FGF10: variants seen among roughly 807,000 people sequenced by gnomAD.
The protein encoded by FGF10 is fibroblast growth factor 10.
FGF10 carries 2 observed loss-of-function variants against 19.8 expected under a neutral mutation model. The observed-to-expected ratio is 0.10, with a 90% CI of 0.04 to 0.32. The LOEUF (loss-of-function observed/expected upper bound fraction) is 0.32. Ranked by LOEUF, FGF10 falls within the 10% of genes least tolerant of loss-of-function variation. The pLI, the probability that FGF10 is intolerant of heterozygous loss-of-function variation, is 1.00. For synonymous variants in FGF10, 112 were observed against 94.0 expected, an observed-to-expected ratio of 1.19 and a Z score of -1.10; for missense variants, 191 against 246.3, an observed-to-expected ratio of 0.78 and a Z score of 1.50.
In FGF10 at chr5:44,301,231, T is replaced by C. The variant is rs1325044315; in HGVS notation, c.*3764A>G. ...TGTATATGTCCTACTTCTAATGTAC[T>C]AGACATCTTCTCTTAAATATTTTAA... On this transcript the variant is annotated 3_prime_UTR_variant, in exon 3 of 3. Transcript: ENST00000264664. Among the ~76,000 whole-genome samples, 2 of 152,180 alleles carry C rather than the reference T, an allele frequency of 1.3e-5. No homozygotes were observed. The highest frequency in any genetic ancestry group is 2.9e-5 in the Non-Finnish European group (2 of 68,040).
At chr5:44,359,191 T>C (rs1741419778) in intron 1 of FGF10, among the ~76,000 whole-genome samples, 1 of 151,524 alleles carries the variant, frequency 6.6e-6, no homozygotes, top group African/African-American at 2.4e-5. Context: ...ATTTAATTTA[T>C]GTGCCAGTAA....
At chr5:44,375,251 C>G (rs2111896658) in intron 1 of FGF10, among the ~76,000 whole-genome samples, 1 of 152,270 alleles carries the variant, frequency 6.6e-6, no homozygotes, top group South Asian at 2.1e-4. Context: ...TATGAGGAAA[C>G]TAGATGGGTA....
At chr5:44,361,404 G>A (rs339508) in intron 1 of FGF10, among the ~76,000 whole-genome samples, 17,934 of 151,552 alleles carry the variant, frequency 0.12, 2,612 homozygotes, top group African/African-American at 0.34. Flanking sequence ...CTCCCTAGAG[G>A]CAATGTCATA....
Position 44,310,147 on chromosome 5 carries a change from G to A in FGF10, c.429+280C>T, listed in dbSNP as rs17228123. Reference sequence around the variant, plus strand: ...CTTCATTTTCCATGCCAATCTGACCGGATGCTTCCGTGAGAGCCTGACTTG... The same window carrying A: ...CTTCATTTTCCATGCCAATCTGACCAGATGCTTCCGTGAGAGCCTGACTTG... On this transcript the variant is annotated intron_variant, in intron 2 of 2. Coordinates refer to ENST00000264664, the MANE Select transcript of FGF10 (RefSeq NM_004465.2). Among the ~76,000 whole-genome samples, 3,298 of 152,124 alleles carry A rather than the reference G, an allele frequency of 0.022. 54 individuals carry two copies. Among genetic ancestry groups the A allele is most frequent in the Non-Finnish European group, 0.03 (2,015 of 67,990 alleles).
intron 1 of FGF10, among the ~76,000 whole-genome samples, chr5:44,347,881 A>G: frequency 6.6e-6 from 1 of 151,766 alleles, no homozygotes; most frequent in South Asian, 2.1e-4. Flanking sequence ...CATTTGTCTT[A>G]TATAGAACAA....
chr5:44,373,994 T>C (rs1741800122), intron 1 of FGF10, among the ~76,000 whole-genome samples: 2 of 152,188 alleles, frequency 1.3e-5, no homozygotes, highest in Admixed American at 6.5e-5. Flanking sequence ...GTTGGTGTCT[T>C]AGACTAATAT....
chr5:44,322,430 C>T (rs549953444), intron 1 of FGF10, among the ~76,000 whole-genome samples: 2 of 152,164 alleles, frequency 1.3e-5, no homozygotes, highest in African/African-American at 2.4e-5. Context: ...ACAGCTGGTA[C>T]ATGATCACTT....
chr5:44,356,716 GT>G (rs1741355572), intron 1 of FGF10, among the ~76,000 whole-genome samples: 1 of 151,326 alleles, frequency 6.6e-6, no homozygotes, highest in African/African-American at 2.4e-5. Context: ...AGTGAAAAGT[GT>G]TACTCAAGAA....
Position 44,301,431 on chromosome 5 carries a change from T to C in FGF10, c.*3564A>G, listed in dbSNP as rs1186797362. Among the ~76,000 whole-genome samples the C allele has an allele frequency of 6.6e-6, 1 of 152,150 alleles. No homozygotes were observed. Among genetic ancestry groups the C allele is most frequent in the Middle Eastern group, 3.2e-3 (1 of 316 alleles). On this transcript the variant is annotated 3_prime_UTR_variant, in exon 3 of 3. Coordinates refer to ENST00000264664, the MANE Select transcript of FGF10 (RefSeq NM_004465.2). ...ATGTAAATTGGGTTCATAAACTTGC[T>C]TGGGCCCTGGAAGCAACTTGCATTA...
At chr5:44,313,858 AC>A (rs1740269397) in intron 1 of FGF10, among the ~76,000 whole-genome samples, 1 of 152,154 alleles carries the variant, frequency 6.6e-6, no homozygotes, top group African/African-American at 2.4e-5. Flanking sequence ...GGAGAAGGGT[AC>A]GCTTTTAGAA....
chr5:44,317,676 G>A (rs1163317863), intron 1 of FGF10, among the ~76,000 whole-genome samples: 1 of 151,986 alleles, frequency 6.6e-6, no homozygotes, highest in African/African-American at 2.4e-5. Context: ...CCATCTAATA[G>A]GTTTCTTCAC....
intron 2 of FGF10, 151 bp from the exon 3 acceptor site, chr5:44,305,343 G>A (rs1328345418): frequency 4.4e-6 from 3 of 687,636 alleles, no homozygotes; most frequent in African/African-American, 1.8e-5. Flanking sequence ...GTCAACAATA[G>A]AAAAGTAAAT....
At chr5:44,340,451 T>A (rs1740943813) in intron 1 of FGF10, among the ~76,000 whole-genome samples, 1 of 152,034 alleles carries the variant, frequency 6.6e-6, no homozygotes, top group South Asian at 2.1e-4. Context: ...TATTATGAGA[T>A]ATAATAAAAT....
At chr5:44,368,285 T>C (rs1741665375) in intron 1 of FGF10, among the ~76,000 whole-genome samples, 1 of 152,068 alleles carries the variant, frequency 6.6e-6, no homozygotes, top group Non-Finnish European at 1.5e-5. Context: ...TTTCAATGAG[T>C]AAAATTGGAA....
At chr5:44,333,890 C>G (rs17234303) in intron 1 of FGF10, among the ~76,000 whole-genome samples, 2,243 of 152,094 alleles carry the variant, frequency 0.015, 47 homozygotes, top group African/African-American at 0.051. Context: ...GAAGAGGCAG[C>G]GGGAGGGAAA....
intron 1 of FGF10, among the ~76,000 whole-genome samples, chr5:44,379,278 A>G (rs915166694): frequency 6.6e-6 from 1 of 152,204 alleles, no homozygotes; most frequent in Admixed American, 6.5e-5. Flanking sequence ...AGAAAGACCA[A>G]CTTTTTTCAA....
chr5:44,341,043 C>T (rs1390909555), intron 1 of FGF10, among the ~76,000 whole-genome samples: 1 of 151,920 alleles, frequency 6.6e-6, no homozygotes, highest in African/African-American at 2.4e-5. Context: ...ATATTCTAAT[C>T]AAGTCTTCCT....
At chr5:44,367,634 A>G (rs1489653944) in intron 1 of FGF10, among the ~76,000 whole-genome samples, 1 of 152,032 alleles carries the variant, frequency 6.6e-6, no homozygotes, top group Non-Finnish European at 1.5e-5. Flanking sequence ...CCTAGTATCC[A>G]CACTCTAGGA....
chr5:44,348,369 C>T (rs1741134004), intron 1 of FGF10, among the ~76,000 whole-genome samples: 1 of 151,636 alleles, frequency 6.6e-6, no homozygotes. Flanking sequence ...GCCATAGTAA[C>T]ACAACTTACT....
Sources: gnomAD v4.1 joint callset for allele counts (sites outside exome capture counted in the v4.1 genomes callset) on GRCh38, gnomAD v4.1.1 for gene constraint, MANE v1.5 for transcripts, NCBI Gene and HGNC (gene_info 2026-07-23, HGNC 2026-07-21) for gene names.